UNC5D: variants seen among roughly 807,000 people sequenced by gnomAD.
The protein encoded by UNC5D is unc-5 netrin receptor D.
UNC5D carries 39 observed loss-of-function variants against 105.4 expected under a neutral mutation model. The observed-to-expected ratio is 0.37, with a 90% confidence interval of 0.29 to 0.48. UNC5D has a LOEUF of 0.48. UNC5D is among the 20% of genes least tolerant of loss of function. The pLI, the probability that UNC5D is intolerant of heterozygous loss-of-function variation, is 0.98. For missense variants in UNC5D, 991 were observed against 1,202.4 expected, an observed-to-expected ratio of 0.82 and a Z score of 2.60; for synonymous variants, 452 against 450.4, an observed-to-expected ratio of 1.00 and a Z score of -0.04.
intron 1 of UNC5D, among the ~76,000 whole-genome samples, chr8:35,339,330 A>G (rs969365354): frequency 2.0e-5 from 3 of 152,238 alleles, no homozygotes; most frequent in African/African-American, 7.2e-5. Flanking sequence ...TAAGCAAATA[A>G]GTCCTATATG....
Position 35,413,503 on chromosome 8 carries a change from G to T in UNC5D, c.104-135789G>T, listed in dbSNP as rs999454997. ...CTGCGGCATTCTGCATGTAAAAATA[G>T]CAGCTGTTGGTGTGCTGCTGACAGG... On this transcript the variant is annotated intron_variant, in intron 1 of 16. Coordinates refer to ENST00000404895, the MANE Select transcript of UNC5D (RefSeq NM_080872.4). 4.0e-5 allele frequency among the ~76,000 whole-genome samples: 6 copies of T among 149,916 alleles called. No individual in the cohort carries two copies. The Admixed American group carries it at 4.0e-4, about 10-fold the overall frequency.
At chr8:35,542,058 T>C (rs766270359) in intron 1 of UNC5D, among the ~76,000 whole-genome samples, 11 of 152,196 alleles carry the variant, frequency 7.2e-5, no homozygotes, top group Non-Finnish European at 1.5e-4. Flanking sequence ...TATATAAGAT[T>C]GGCACAGGTG....
chr8:35,322,886 C>T (rs569156415), intron 1 of UNC5D, among the ~76,000 whole-genome samples: 1 of 152,244 alleles, frequency 6.6e-6, no homozygotes, highest in East Asian at 1.9e-4. Flanking sequence ...ACAAATCATA[C>T]AGTACTTTTT....
intron 1 of UNC5D, among the ~76,000 whole-genome samples, chr8:35,322,709 A>C (rs1006820979): frequency 6.6e-6 from 1 of 152,178 alleles, no homozygotes; most frequent in South Asian, 2.1e-4. Context: ...AAAGGTTAAT[A>C]TGTTGATTTC....
intron 4 of UNC5D, among the ~76,000 whole-genome samples, chr8:35,602,548 A>G (rs1438361251): frequency 6.6e-6 from 1 of 152,116 alleles, no homozygotes; most frequent in Non-Finnish European, 1.5e-5. Context: ...GTGTCGAGGA[A>G]TTTATCCATT....
At chr8:35,457,673 C>A (rs1001775499) in intron 1 of UNC5D, among the ~76,000 whole-genome samples, 2 of 152,040 alleles carry the variant, frequency 1.3e-5, no homozygotes, top group Non-Finnish European at 2.9e-5. Flanking sequence ...CCTAATGCCC[C>A]AAATCTATAA....
At chr8:35,702,253 T>G (rs951094080) in intron 7 of UNC5D, among the ~76,000 whole-genome samples, 1 of 152,108 alleles carries the variant, frequency 6.6e-6, no homozygotes. Flanking sequence ...ACCATTTATA[T>G]ACCATAGCTA....
chr8:35,693,997 G>GA (rs1392575783), intron 7 of UNC5D, among the ~76,000 whole-genome samples: 2 of 151,698 alleles, frequency 1.3e-5, no homozygotes, highest in Non-Finnish European at 2.9e-5. Context: ...AGAGAGCGAG[G>GA]AAAAAAACGA....
chr8:35,616,647 TCTC>T (rs1821043456), intron 4 of UNC5D, among the ~76,000 whole-genome samples: 1 of 152,204 alleles, frequency 6.6e-6, no homozygotes, highest in African/African-American at 2.4e-5. Flanking sequence ...CTGTCTTTAT[TCTC>T]CTCCATCTCC....
chr8:35,319,346 T>G (rs1416287138), intron 1 of UNC5D, among the ~76,000 whole-genome samples: 2 of 152,150 alleles, frequency 1.3e-5, no homozygotes, highest in Non-Finnish European at 2.9e-5. Context: ...TTGTTAGAAA[T>G]AGACCACATT....
intron 2 of UNC5D, among the ~76,000 whole-genome samples, chr8:35,560,735 G>A (rs1387795058): frequency 6.6e-6 from 1 of 152,110 alleles, no homozygotes; most frequent in Non-Finnish European, 1.5e-5. Flanking sequence ...TGTCACTTGT[G>A]GCCTTTTAAA....
rs1450067289 is a variant in UNC5D, at chr8:35,796,417, A to G, written c.*5854A>G. 1 of 107,978 alleles carries G rather than the reference A, an allele frequency of 9.3e-6. No homozygotes were observed. The highest frequency in any genetic ancestry group is 1.8e-5 in the Non-Finnish European group (1 of 57,070). 6.7% of individuals were successfully genotyped at this position (107,978 alleles called of 1,614,324 possible). ...ACAAAATGGACGGTTTGGATGTTTTATGTCGAGTTTGCAAAAAAAAAAAAA... is the reference window on the plus strand; with the variant it reads ...ACAAAATGGACGGTTTGGATGTTTTGTGTCGAGTTTGCAAAAAAAAAAAAA... On this transcript the variant is annotated 3_prime_UTR_variant, in exon 17 of 17. Transcript: ENST00000404895.
At chr8:35,763,059 T>G (rs1252848748) in intron 14 of UNC5D, among the ~76,000 whole-genome samples, 1 of 152,204 alleles carries the variant, frequency 6.6e-6, no homozygotes, top group Non-Finnish European at 1.5e-5. Flanking sequence ...GTGTTTTTTG[T>G]TTTTGTTTTT....
intron 4 of UNC5D, among the ~76,000 whole-genome samples, chr8:35,649,597 G>A (rs537996068): frequency 5.3e-5 from 8 of 152,118 alleles, no homozygotes; most frequent in South Asian, 2.1e-4. Context: ...TAACCTGACC[G>A]TGGAGAAACC....
At position 35,759,316 on chromosome 8, in the gene UNC5D, A is replaced by G. The variant is rs1312835890; in HGVS notation, c.2164-4A>G. 1 of 1,612,262 alleles carries G rather than the reference A, an allele frequency of 6.2e-7. No homozygotes were observed. On this transcript the variant is annotated splice_polypyrimidine_tract_variant and splice_region_variant and intron_variant, in intron 13 of 16. Transcript: ENST00000404895. Reference sequence around the variant, plus strand: ...GATCTTATTTTCTTTTTCTTCTCCTATAGGAAGTGGTTTCAGATGAAAGGC... The same window carrying G: ...GATCTTATTTTCTTTTTCTTCTCCTGTAGGAAGTGGTTTCAGATGAAAGGC...
At chr8:35,625,794 G>A (rs1204993687) in intron 4 of UNC5D, among the ~76,000 whole-genome samples, 2 of 152,130 alleles carry the variant, frequency 1.3e-5, no homozygotes, top group African/African-American at 2.4e-5. Flanking sequence ...AATACAATAA[G>A]TGTGCTTCAT....
chr8:35,241,872 G>A (rs1221091798), intron 1 of UNC5D, among the ~76,000 whole-genome samples: 1 of 152,042 alleles, frequency 6.6e-6, no homozygotes, highest in African/African-American at 2.4e-5. Flanking sequence ...TTTGGAATAT[G>A]CAATAGATTA....
intron 1 of UNC5D, among the ~76,000 whole-genome samples, chr8:35,281,140 C>T (rs1432041014): frequency 6.6e-6 from 1 of 152,116 alleles, no homozygotes; most frequent in African/African-American, 2.4e-5. Flanking sequence ...TATCCGTCTC[C>T]CCGTGGGCAA....
chr8:35,403,462 T>C (rs1804602350), intron 1 of UNC5D, among the ~76,000 whole-genome samples: 1 of 152,244 alleles, frequency 6.6e-6, no homozygotes, highest in African/African-American at 2.4e-5. Flanking sequence ...TCTTCGGAAG[T>C]ACCTAAAATG....
Sources: gnomAD v4.1 joint callset for allele counts (sites outside exome capture counted in the v4.1 genomes callset) on GRCh38, gnomAD v4.1.1 for gene constraint, MANE v1.5 for transcripts, NCBI Gene and HGNC (gene_info 2026-07-23, HGNC 2026-07-21) for gene names.